Variants in POMT1 observed in about 807,000 individuals in gnomAD.
POMT1 encodes the protein protein O-mannosyl-transferase 1.
A neutral mutation model predicts 101.6 loss-of-function variants in POMT1; 85 were observed. The observed-to-expected ratio is 0.84, with a 90% CI of 0.70 to 1.00. The LOEUF is 1.00. Ranked by LOEUF, POMT1 falls within the 50% of genes least tolerant of loss-of-function variation. The pLI is 0.00. For synonymous variants in POMT1, 371 were observed against 383.0 expected (o/e 0.97, Z 0.37); for missense variants, 857 against 930.4 (o/e 0.92, Z 1.03).
chr9:131,514,533 C>T lies in POMT1; in HGVS notation c.1176-893C>T, dbSNP rs561888099. On this transcript the variant is annotated intron_variant, in intron 12 of 19. Coordinates refer to ENST00000402686, the MANE Select transcript of POMT1 (RefSeq NM_001077365.2). ...TCCTACAGGTGCACGCTCTGCCCAC[C>T]GGCATGATGGCTGTTTCCCAGAGGG... Among the ~76,000 whole-genome samples, 147 of 152,352 alleles carry T rather than the reference C, an allele frequency of 9.6e-4. 1 individual carries two copies. Among genetic ancestry groups the T allele is most frequent in the Non-Finnish European group, 1.3e-3 (91 of 68,028 alleles).
intron 2 of POMT1, among the ~76,000 whole-genome samples, chr9:131,505,358 G>A (rs935787446): frequency 1.3e-5 from 2 of 149,380 alleles, no homozygotes; most frequent in African/African-American, 5.0e-5. Context: ...GTGCAATGGT[G>A]CGATCGTGAT....
chr9:131,513,702 A>T (rs1048495435), intron 12 of POMT1, among the ~76,000 whole-genome samples: 1 of 152,216 alleles, frequency 6.6e-6, no homozygotes, highest in African/African-American at 2.4e-5. Flanking sequence ...AGTATGAGTG[A>T]GTCCAAGAAG....
chr9:131,520,799 T>C (rs1949765942), intron 17 of POMT1, among the ~76,000 whole-genome samples: 1 of 152,200 alleles, frequency 6.6e-6, no homozygotes, highest in African/African-American at 2.4e-5. Flanking sequence ...ATTTTCAGTT[T>C]CCAATTACAA....
intron 12 of POMT1, 48 bp downstream of exon 12, chr9:131,513,379 T>C: frequency 1.9e-6 from 3 of 1,550,976 alleles, no homozygotes; most frequent in Non-Finnish European, 2.6e-6. Flanking sequence ...GTTTCCTCTG[T>C]GGTTCTCTGT....
intron 2 of POMT1, 150 bp downstream of exon 2, chr9:131,504,490 C>T: frequency 8.6e-7 from 1 of 1,162,312 alleles, no homozygotes; most frequent in Non-Finnish European, 1.3e-6. Context: ...CAGTCTGTCC[C>T]CAGGACAGCC....
In POMT1 at chr9:131,509,950, C is replaced by G. The variant is rs1946734812; in HGVS notation, c.653C>G (p.Ala218Gly). 1.2e-6 allele frequency: 2 copies of G among 1,614,088 alleles called. No individual in the cohort carries two copies. The highest frequency in any genetic ancestry group is 1.7e-6 in the Non-Finnish European group (2 of 1,180,048). ...VFTYVLVLGV[A>G]AVHAWHLLGD... Reference sequence around the variant, plus strand: ...ACGTACGTGCTCGTGCTGGGTGTTGCAGCTGTCCATGCCTGGCACCTGCTT... The same window carrying G: ...ACGTACGTGCTCGTGCTGGGTGTTGGAGCTGTCCATGCCTGGCACCTGCTT... Residue 218 changes from alanine to glycine, a missense_variant, in exon 8 of 20, where the codon GCA (alanine) becomes GGA (glycine). By Grantham distance (60) the Ala-to-Gly change is moderately conservative. Coordinates refer to ENST00000402686, the MANE Select transcript of POMT1 (RefSeq NM_001077365.2).
Position 131,522,131 on chromosome 9 carries a change from A to G in POMT1, c.1910A>G (p.Lys637Arg). 1 of 1,614,108 alleles carries G rather than the reference A, an allele frequency of 6.2e-7. No individual in the cohort carries two copies. The highest frequency in any genetic ancestry group is 1.7e-4 in the Middle Eastern group (1 of 6,060). The change falls in exon 19 of 20, where the codon AAG becomes AGG. Residue 637 changes from lysine to arginine, a missense_variant. Lys to Arg is a conservative substitution (Grantham distance 26). Coordinates refer to ENST00000402686, the MANE Select transcript of POMT1 (RefSeq NM_001077365.2). The surrounding 1 kb of genome is among the most constrained non-coding windows in gnomAD (Gnocchi z 5.5). Reference sequence around the variant, plus strand: ...TACCTCCCGTTCTTCCTGATGGAGAAGACACTCTTCCTCTACCACTACCTG... The same window carrying G: ...TACCTCCCGTTCTTCCTGATGGAGAGGACACTCTTCCTCTACCACTACCTG... ...VNYLPFFLME[K>R]TLFLYHYLPA...
chr9:131,507,654 C>G, intron 5 of POMT1, 140 bp downstream of exon 5: 2 of 1,233,268 alleles, frequency 1.6e-6, no homozygotes, highest in Non-Finnish European at 2.3e-6. Context: ...TGCAAGTCAC[C>G]CGCTCCCAGG....
In POMT1 at chr9:131,511,621, T is replaced by G. The variant is rs1458807415; in HGVS notation, c.986+154T>G. ...TGCTGATTGCCAGTGAGCTTCGTGG[T>G]TCCCGGGTGTTGCTGGAGGGACTTG... is the stretch of plus-strand genomic sequence containing the variant. On this transcript the variant is annotated intron_variant, in intron 10 of 19. Transcript: ENST00000402686. 3.1e-5 allele frequency: 32 copies of G among 1,016,262 alleles called. No individual in the cohort carries two copies. The Middle Eastern group carries it at 9.3e-4, about 30-fold the overall frequency. 63.0% of individuals were successfully genotyped at this position (1,016,262 alleles called of 1,614,324 possible).
chr9:131,511,670 GC>G, intron 10 of POMT1: 1 of 665,236 alleles, frequency 1.5e-6, no homozygotes, highest in Non-Finnish European at 2.5e-6. Context: ...CCCAGGGTCG[GC>G]CCCAGCTCTG....
At chr9:131,504,626 G>T (rs1379516325) in intron 2 of POMT1, among the ~76,000 whole-genome samples, 1 of 152,088 alleles carries the variant, frequency 6.6e-6, no homozygotes, top group African/African-American at 2.4e-5. Flanking sequence ...AAGTCTGGAC[G>T]GCAGAGGATT....
Position 131,521,380 on chromosome 9 carries a change from G to A in POMT1, c.1733G>A (p.Trp578Ter), listed in dbSNP as rs1465496645. 4 of 1,614,138 alleles carry A rather than the reference G, an allele frequency of 2.5e-6. No homozygotes were observed. Among genetic ancestry groups the A allele is most frequent in the Non-Finnish European group, 2.5e-6 (3 of 1,180,012 alleles). The change falls in exon 18 of 20, where the codon TGG (tryptophan) becomes TAG (stop). Residue 578 changes from tryptophan (W) to a stop codon, truncating the protein, a stop_gained. Coordinates refer to ENST00000402686, the MANE Select transcript of POMT1 (RefSeq NM_001077365.2). LOFTEE classifies it high-confidence loss of function. ...QIHLLGNIVI[W>*]VSGSLALAIY... Reference sequence around the variant, plus strand: ...CACCTACTTGGAAACATAGTGATCTGGGTTTCGGGCAGCCTCGCTCTGGCC... The same window carrying A: ...CACCTACTTGGAAACATAGTGATCTAGGTTTCGGGCAGCCTCGCTCTGGCC...
Position 131,521,393 on chromosome 9 carries a change from C to G in POMT1, c.1746C>G (p.Ser582Arg), listed in dbSNP as rs376373313. 1.9e-6 allele frequency: 3 copies of G among 1,614,068 alleles called. No homozygotes were observed. In the African/African-American group the frequency reaches 4.0e-5, roughly 22 times the overall value. ...LGNIVIWVSGSLALAIYALLS... is the reference protein window; with the variant it reads ...LGNIVIWVSGRLALAIYALLS... The stretch of plus-strand genomic sequence containing the variant: ...ACATAGTGATCTGGGTTTCGGGCAG[C>G]CTCGCTCTGGCCATCTACGCCCTGC... Residue 582 changes from serine to arginine, a missense_variant, in exon 18 of 20, where the codon AGC becomes AGG. Transcript: ENST00000402686.
Position 131,509,798 on chromosome 9 carries a change from TG to T in POMT1, c.596del (p.Cys199LeufsTer65). On this transcript the variant is annotated frameshift_variant, in exon 7 of 20. Coordinates refer to ENST00000402686, the MANE Select transcript of POMT1 (RefSeq NM_001077365.2). LOFTEE classifies it high-confidence loss of function. ...WLTLTGVACS[C>X]AVGIKYMGVF... Reference sequence around the variant, plus strand: ...AACACTGACAGGGGTCGCTTGTTCCTGTGCAGTGGGGTGAGTTTGAGCCTCT... The same window carrying T: ...AACACTGACAGGGGTCGCTTGTTCCTTGCAGTGGGGTGAGTTTGAGCCTCT... The T allele has an allele frequency of 5.0e-6, 8 of 1,614,246 alleles. No individual in the cohort carries two copies. The highest frequency in any genetic ancestry group is 6.8e-6 in the Non-Finnish European group (8 of 1,180,040).
chr9:131,518,181 G>T (rs749737383), intron 13 of POMT1: 1 of 527,372 alleles, frequency 1.9e-6, no homozygotes, highest in Non-Finnish European at 3.6e-6. Flanking sequence ...AGAACATCAG[G>T]CTTTGTATTT....
chr9:131,513,973 C>T (rs1272904857), intron 12 of POMT1, among the ~76,000 whole-genome samples: 1 of 152,240 alleles, frequency 6.6e-6, no homozygotes, highest in Non-Finnish European at 1.5e-5. Flanking sequence ...TCACCTCCAG[C>T]TCTCCACGAC....
intron 6 of POMT1, among the ~76,000 whole-genome samples, chr9:131,509,541 A>G (rs1248936918): frequency 6.6e-6 from 1 of 152,162 alleles, no homozygotes; most frequent in Non-Finnish European, 1.5e-5. Flanking sequence ...AATTTAAACT[A>G]ACAGGACAAC....
intron 17 of POMT1, 115 bp from the exon 18 acceptor site, chr9:131,521,231 C>T (rs559506160): frequency 6.9e-6 from 10 of 1,453,392 alleles, no homozygotes; most frequent in Middle Eastern, 1.9e-4. Context: ...CTGTGCCTGG[C>T]GTTTTTTCAC....
chr9:131,514,228 G>A (rs1000022900), intron 12 of POMT1, among the ~76,000 whole-genome samples: 1 of 152,166 alleles, frequency 6.6e-6, no homozygotes, highest in African/African-American at 2.4e-5. Flanking sequence ...TGCGGACCGT[G>A]CACAACCCAC....
Sources: allele counts gnomAD v4.1 joint callset (sites outside exome capture counted in the v4.1 genomes callset), GRCh38; gene constraint gnomAD v4.1.1; non-coding constraint Gnocchi (gnomAD v3.1); transcripts MANE v1.5; gene names NCBI Gene and HGNC (gene_info 2026-07-23, HGNC 2026-07-21).